The following FBXL2 variants were observed in gnomAD, a reference collection of about 807,000 sequenced individuals.
The protein encoded by FBXL2 is F-box and leucine rich repeat protein 2, also known as F-box/LRR-repeat protein 2.
A neutral mutation model predicts 69.2 loss-of-function variants in FBXL2; 38 were observed. The ratio of observed to expected loss-of-function variants is 0.55; its 90% CI spans 0.42 to 0.72. The LOEUF (loss-of-function observed/expected upper bound fraction) is 0.72. Among genes scored for constraint, FBXL2 ranks in the 30% least tolerant of loss-of-function variants. The probability of loss-of-function intolerance (pLI) is 0.00; values close to 1 mark genes in which losing one functional copy is unlikely to be tolerated. For synonymous variants in FBXL2, 192 were observed against 201.3 expected (o/e 0.95, Z 0.39); for missense variants, 354 against 520.3 (o/e 0.68, Z 3.11).
chr3:33,385,009 CAA>C (rs1328837637), intron 14 of FBXL2, among the ~76,000 whole-genome samples: 2 of 151,900 alleles, frequency 1.3e-5, no homozygotes, highest in Admixed American at 6.6e-5. Context: ...GCCTGGGCGA[CAA>C]GAGTGAAACT....
At chr3:33,306,470 T>A (rs556566141) in intron 2 of FBXL2, among the ~76,000 whole-genome samples, 9 of 152,260 alleles carry the variant, frequency 5.9e-5, no homozygotes, top group Middle Eastern at 3.4e-3. Context: ...CTTTGTAGAT[T>A]TATCACCTAT....
chr3:33,300,071 C>G (rs145906349), intron 2 of FBXL2, among the ~76,000 whole-genome samples: 6 of 152,190 alleles, frequency 3.9e-5, no homozygotes, highest in Admixed American at 2.0e-4. Flanking sequence ...ATATGGTATT[C>G]TTACCCTGGG....
intron 2 of FBXL2, among the ~76,000 whole-genome samples, chr3:33,303,460 G>T (rs773754666): frequency 1.3e-5 from 2 of 152,138 alleles, no homozygotes; most frequent in Non-Finnish European, 2.9e-5. Flanking sequence ...GCTTGTATAT[G>T]AAAACTCTGA....
chr3:33,330,159 T>C (rs987545600), intron 2 of FBXL2, among the ~76,000 whole-genome samples: 1 of 152,110 alleles, frequency 6.6e-6, no homozygotes, highest in East Asian at 1.9e-4. Context: ...CTTGTATGCC[T>C]TTAGCCCCAG....
intron 12 of FBXL2, among the ~76,000 whole-genome samples, chr3:33,402,097 T>G (rs559108584): frequency 6.6e-6 from 1 of 152,270 alleles, no homozygotes; most frequent in Admixed American, 6.5e-5. Context: ...CTTTCATAAT[T>G]TTCCTCCCCA....
chr3:33,337,335 A>T (rs556716409), intron 2 of FBXL2, among the ~76,000 whole-genome samples: 15 of 152,314 alleles, frequency 9.8e-5, no homozygotes, highest in Admixed American at 3.3e-4. Context: ...AACCCAATTT[A>T]AAAAAATGAG....
chr3:33,278,352 C>T (rs2033555935), intron 1 of FBXL2: 2 of 151,852 alleles, frequency 1.3e-5, no homozygotes, highest in South Asian at 2.1e-4. Context: ...GAGCTAGACT[C>T]CTTGCTTGGG....
In FBXL2 at chr3:33,373,168, A is replaced by G. The variant is rs2042403604; in HGVS notation, c.359+8A>G. 1 of 1,613,852 alleles carries G rather than the reference A, an allele frequency of 6.2e-7. No homozygotes were observed. On this transcript the variant is annotated splice_region_variant and intron_variant, in intron 6 of 14. Coordinates refer to ENST00000484457, the MANE Select transcript of FBXL2 (RefSeq NM_012157.5). ...CACAAAAATCACTGACAGGTAAGTA[A>G]TGAAGATTAATTGGTGACCAAATAG... is the stretch of plus-strand genomic sequence containing the variant.
the FBXL2 span, among the ~76,000 whole-genome samples, chr3:33,419,109 T>C: frequency 1.8e-3 from 276 of 152,148 alleles, 2 homozygotes; most frequent in Non-Finnish European, 3.4e-3. Flanking sequence ...GAAAGAAGAG[T>C]TGAGGATTAC....
chr3:33,408,839 T>C, the FBXL2 span: 36 of 1,534,108 alleles, frequency 2.3e-5, no homozygotes, highest in Non-Finnish European at 3.1e-5. Context: ...CTTTTCATTA[T>C]ACAAAGAAAG....
Position 33,379,417 on chromosome 3 carries a change from C to T in FBXL2, c.951+676C>T, listed in dbSNP as rs183974734. Among the ~76,000 whole-genome samples the T allele has an allele frequency of 7.0e-4, 106 of 152,196 alleles. 2 individuals carry two copies. The South Asian group carries it at 0.013, about 19-fold the overall frequency. ...TCACCCAGGCTGGACTGCAGTGGCG[C>T]GACCTCAGCTCACTGCAACCTCTGC... is the stretch of plus-strand genomic sequence containing the variant. On this transcript the variant is annotated intron_variant, in intron 13 of 14. Coordinates refer to ENST00000484457, the MANE Select transcript of FBXL2 (RefSeq NM_012157.5).
intron 1 of FBXL2, among the ~76,000 whole-genome samples, chr3:33,286,191 G>C (rs1274683416): frequency 1.3e-5 from 2 of 152,178 alleles, no homozygotes; most frequent in Non-Finnish European, 2.9e-5. Context: ...GGTCTTTGAT[G>C]ATGGTGATGT....
At chr3:33,392,916 A>G (rs2043826032), downstream of FBXL2, 4 of 354,796 alleles carry the variant, frequency 1.1e-5, no homozygotes, top group East Asian at 9.2e-5. Context: ...GTGCTCTTCT[A>G]TTATTACTTG....
chr3:33,416,498 G>A, the FBXL2 span, among the ~76,000 whole-genome samples: 1 of 152,096 alleles, frequency 6.6e-6, no homozygotes, highest in Admixed American at 6.6e-5. Context: ...AGGCTTATAG[G>A]TTTTTGTTGT....
chr3:33,417,278 T>C, the FBXL2 span, among the ~76,000 whole-genome samples: 1 of 152,028 alleles, frequency 6.6e-6, no homozygotes, highest in African/African-American at 2.4e-5. Flanking sequence ...ATTAGTCACT[T>C]CCCATCCCTC....
intron 9 of FBXL2, among the ~76,000 whole-genome samples, chr3:33,374,400 A>G (rs993447517): frequency 2.0e-5 from 3 of 152,250 alleles, no homozygotes; most frequent in African/African-American, 7.2e-5. Context: ...CCTATGAAAA[A>G]CTATTGGTCC....
At chr3:33,396,998 A>G (rs747730836) in intron 12 of FBXL2, 2 of 1,550,342 alleles carry the variant, frequency 1.3e-6, no homozygotes, top group Non-Finnish European at 1.8e-6. Context: ...CCCCACGCGA[A>G]GAAAGGTACA....
the FBXL2 span, among the ~76,000 whole-genome samples, chr3:33,410,675 T>C: frequency 6.6e-6 from 1 of 152,156 alleles, no homozygotes. Flanking sequence ...GAATCACTAT[T>C]TTTTTTAAAC....
At chr3:33,305,769 C>A (rs975279841) in intron 2 of FBXL2, among the ~76,000 whole-genome samples, 1 of 151,682 alleles carries the variant, frequency 6.6e-6, no homozygotes, top group African/African-American at 2.4e-5. Flanking sequence ...TCTTGAGTCA[C>A]TTTTACTAAT....
Sources: gnomAD v4.1 joint callset for allele counts (sites outside exome capture counted in the v4.1 genomes callset) on GRCh38, gnomAD v4.1.1 for gene constraint, MANE v1.5 for transcripts, NCBI Gene and HGNC (gene_info 2026-07-23, HGNC 2026-07-21) for gene names.